Variants in STOX2 observed in about 807,000 individuals in gnomAD.
STOX2 encodes the protein storkhead box 2.
STOX2 carries 28 observed loss-of-function variants against 60.9 expected under a neutral mutation model. The observed-to-expected ratio is 0.46, with a 90% CI of 0.34 to 0.63. The LOEUF (loss-of-function observed/expected upper bound fraction) is 0.63. Ranked by LOEUF, STOX2 falls within the 30% of genes least tolerant of loss-of-function variation. The probability of loss-of-function intolerance (pLI) is 0.01; values close to 1 mark genes in which losing one functional copy is unlikely to be tolerated. For synonymous variants in STOX2, 472 were observed against 463.9 expected, an observed-to-expected ratio of 1.02 and a Z score of -0.22; for missense variants, 1,024 against 1,187.7, an observed-to-expected ratio of 0.86 and a Z score of 2.03.
intron 1 of STOX2, among the ~76,000 whole-genome samples, chr4:183,814,548 C>T (rs750465937): frequency 6.1e-4 from 93 of 152,124 alleles, no homozygotes; most frequent in African/African-American, 8.5e-4. Flanking sequence ...ATCCAGGGTC[C>T]GTGCTTGAAA....
intron 2 of STOX2, among the ~76,000 whole-genome samples, chr4:184,008,381 G>T (rs1249055656): frequency 1.3e-5 from 2 of 152,166 alleles, no homozygotes; most frequent in East Asian, 3.8e-4. Flanking sequence ...ATTTTCATCT[G>T]GTGTGTCTAT....
chr4:183,836,554 A>G lies in STOX2; in HGVS notation c.364+38499A>G, dbSNP rs924438127. 5.3e-5 allele frequency among the ~76,000 whole-genome samples: 8 copies of G among 152,152 alleles called. No homozygotes were observed. Among genetic ancestry groups the G allele is most frequent in the Non-Finnish European group, 1.2e-4 (8 of 68,028 alleles). On this transcript the variant is annotated intron_variant, in intron 1 of 2. Coordinates refer to the STOX2 transcript ENST00000513034. The surrounding 1 kb of genome is among the most constrained non-coding windows in gnomAD (Gnocchi z 4.1). ...TGTGAGGGGACTCAGGGGCTTTTTG[A>G]TGCCTCAGCCATTATCCAGACCCCA...
At chr4:183,875,608 C>T (rs1740811706) in intron 1 of STOX2, among the ~76,000 whole-genome samples, 1 of 152,146 alleles carries the variant, frequency 6.6e-6, no homozygotes, top group South Asian at 2.1e-4. Context: ...TTTGCAAAGC[C>T]CTCTAAGAAA....
Position 184,010,976 on chromosome 4 carries a change from T to C in STOX2, c.2138T>C (p.Val713Ala). The C allele has an allele frequency of 6.2e-7, 1 of 1,613,462 alleles. No homozygotes were observed. The highest frequency in any genetic ancestry group is 8.5e-7 in the Non-Finnish European group (1 of 1,179,648). Residue 713 changes from valine (V) to alanine (A), a missense_variant, in exon 3 of 4, where the codon GTA becomes GCA. Val to Ala is a moderately conservative substitution (Grantham distance 64, BLOSUM62 0). Around this residue, in one of 3 missense-constraint regions of STOX2, gnomAD observed 922 missense variants for 1,058.3 expected, o/e 0.87. Coordinates refer to ENST00000308497, the MANE Select transcript of STOX2 (RefSeq NM_020225.3). The surrounding 1 kb of genome is among the most constrained non-coding windows in gnomAD (Gnocchi z 4.5). Reference protein sequence around the residue: ...LFKPLHSTLSVNSYHKSSLSL... With the variant: ...LFKPLHSTLSANSYHKSSLSL... ...AAACCTCTTCACAGCACCTTGTCTG[T>C]AAACAGCTATCACAAGTCGAGCCTG... is the stretch of plus-strand genomic sequence containing the variant.
At chr4:183,800,845 T>C (rs1438390944) in intron 1 of STOX2, among the ~76,000 whole-genome samples, 1 of 152,226 alleles carries the variant, frequency 6.6e-6, no homozygotes, top group Non-Finnish European at 1.5e-5. Flanking sequence ...GGTTTTGCCC[T>C]GTCTCTTGAC....
intron 1 of STOX2, among the ~76,000 whole-genome samples, chr4:183,984,998 C>T (rs1390492337): frequency 1.3e-5 from 2 of 152,072 alleles, no homozygotes; most frequent in African/African-American, 4.8e-5. Flanking sequence ...TGAAACCCAC[C>T]GTACTCTCGG....
intron 1 of STOX2, among the ~76,000 whole-genome samples, chr4:183,832,482 G>A (rs1186688516): frequency 7.3e-6 from 1 of 136,322 alleles, no homozygotes; most frequent in Non-Finnish European, 1.5e-5. Context: ...GCCTATAACC[G>A]ACTCTTTTTT....
intron 1 of STOX2, among the ~76,000 whole-genome samples, chr4:183,933,389 TG>T (rs1265730662): frequency 1.5e-5 from 1 of 68,824 alleles, no homozygotes; most frequent in African/African-American, 1.6e-4. Flanking sequence ...AAGTTGTTGT[TG>T]TTGTTGTTGT....
At position 183,840,460 on chromosome 4, in the gene STOX2, C is replaced by G. The variant is rs142195191; in HGVS notation, c.364+42405C>G. 2.1e-3 allele frequency among the ~76,000 whole-genome samples: 321 copies of G among 152,194 alleles called. 1 individual carries two copies. Among genetic ancestry groups the G allele is most frequent in the African/African-American group, 7.5e-3 (313 of 41,532 alleles). On this transcript the variant is annotated intron_variant, in intron 1 of 2. Transcript: ENST00000513034. ...AATGGCAGAAGCCATCTGACGTAGC[C>G]CCTTCATCACTGCAGATAAACTGGT...
At chr4:183,998,439 T>C (rs1462412014) in intron 1 of STOX2, among the ~76,000 whole-genome samples, 1 of 152,212 alleles carries the variant, frequency 6.6e-6, no homozygotes, top group Non-Finnish European at 1.5e-5. Context: ...GTGCCTGAGC[T>C]GTAGGGCCTG....
At chr4:183,979,819 A>C (rs114146558) in intron 1 of STOX2, among the ~76,000 whole-genome samples, 4,391 of 152,228 alleles carry the variant, frequency 0.029, 79 homozygotes, top group Admixed American at 0.063. Flanking sequence ...TTTAGTTAAA[A>C]ATCCAGATTC....
Position 184,010,601 on chromosome 4 carries a change from TC to T in STOX2, c.1764del (p.Asn589ThrfsTer39), listed in dbSNP as rs1223987411. The T allele has an allele frequency of 6.2e-7, 1 of 1,613,968 alleles. No individual in the cohort carries two copies. On this transcript the variant is annotated frameshift_variant, in exon 3 of 4. Coordinates refer to ENST00000308497, the MANE Select transcript of STOX2 (RefSeq NM_020225.3). LOFTEE classifies it high-confidence loss of function. This position sits in a 1 kb window ranked among gnomAD's most constrained non-coding sequence, Gnocchi z 4.5. ...PPESLPSYGE[L>X]NSCPTKTATD... is the part of the protein sequence containing the mutation. ...GAGAGTTTGCCATCCTATGGCGAAC[TC>T]AACTCTTGTCCAACAAAAACAGCCA...
chr4:183,949,414 T>A (rs938357799), intron 1 of STOX2, among the ~76,000 whole-genome samples: 2 of 152,162 alleles, frequency 1.3e-5, no homozygotes, highest in African/African-American at 4.8e-5. Flanking sequence ...ACTTTCTTAA[T>A]TTAGGCCAGG....
intron 1 of STOX2, among the ~76,000 whole-genome samples, chr4:183,828,187 G>C (rs1739479156): frequency 6.6e-6 from 1 of 152,184 alleles, no homozygotes; most frequent in African/African-American, 2.4e-5. Context: ...GGCACGGTTT[G>C]AGGCTGGAGA....
At chr4:183,853,757 G>A (rs539229475) in intron 1 of STOX2, 3 of 152,316 alleles carry the variant, frequency 2.0e-5, no homozygotes, top group Admixed American at 1.3e-4. Context: ...GCAGTCGTCA[G>A]GATTTGAAGG....
At chr4:183,953,119 G>A (rs1187878302) in intron 1 of STOX2, among the ~76,000 whole-genome samples, 6 of 151,816 alleles carry the variant, frequency 4.0e-5, no homozygotes, top group Admixed American at 2.0e-4. Flanking sequence ...GCAAACCACC[G>A]TGGCACATGT....
At chr4:183,809,241 C>T (rs562348226) in intron 1 of STOX2, among the ~76,000 whole-genome samples, 23 of 146,894 alleles carry the variant, frequency 1.6e-4, no homozygotes, top group East Asian at 9.7e-4. Context: ...GCCACCACAC[C>T]CAGCTAACTT....
intron 1 of STOX2, among the ~76,000 whole-genome samples, chr4:183,948,856 T>C (rs928458161): frequency 6.6e-6 from 1 of 152,064 alleles, no homozygotes; most frequent in Admixed American, 6.6e-5. Flanking sequence ...ATCGCAATAA[T>C]GAGACCTCAC....
At chr4:183,943,889 A>G (rs1485447448) in intron 1 of STOX2, among the ~76,000 whole-genome samples, 1 of 152,158 alleles carries the variant, frequency 6.6e-6, no homozygotes, top group Non-Finnish European at 1.5e-5. Context: ...AGAAAAAAAG[A>G]AAAACCCCCA....
Sources: gnomAD v4.1 joint callset for allele counts (sites outside exome capture counted in the v4.1 genomes callset) on GRCh38, gnomAD v4.1.1 for gene constraint, gnomAD v4.1.1 regional missense constraint, Gnocchi (gnomAD v3.1) non-coding constraint, MANE v1.5 for transcripts, NCBI Gene and HGNC (gene_info 2026-07-23, HGNC 2026-07-21) for gene names.